Variants in INPP5B observed in about 807,000 individuals in gnomAD.
INPP5B encodes type II inositol 1,4,5-trisphosphate 5-phosphatase.
In INPP5B, 90 loss-of-function variants were observed where a neutral mutation model predicts 118.5. The ratio of observed to expected loss-of-function variants is 0.76; its 90% CI spans 0.64 to 0.90. The LOEUF is 0.90. Among genes scored for constraint, INPP5B ranks in the 40% least tolerant of loss-of-function variants. The probability of loss-of-function intolerance (pLI) is 0.00; values close to 1 mark genes in which losing one functional copy is unlikely to be tolerated. For synonymous variants in INPP5B, 385 were observed against 418.9 expected, an observed-to-expected ratio of 0.92 and a Z score of 0.99; for missense variants, 984 against 1,125.6, an observed-to-expected ratio of 0.87 and a Z score of 1.80.
At chr1:37,896,954 G>A (rs1176464736) in intron 7 of INPP5B, among the ~76,000 whole-genome samples, 2 of 118,978 alleles carry the variant, frequency 1.7e-5, no homozygotes, top group South Asian at 2.8e-4. Context: ...CACTCTGCCC[G>A]GCCAGCCGCC....
chr1:37,939,485 C>T (rs1468342353), intron 6 of INPP5B, among the ~76,000 whole-genome samples: 1 of 149,270 alleles, frequency 6.7e-6, no homozygotes, highest in African/African-American at 2.4e-5. Context: ...TTGCTCTGTC[C>T]CTAGGCTGGA....
intron 7 of INPP5B, among the ~76,000 whole-genome samples, chr1:37,905,720 T>C (rs571373193): frequency 1.3e-5 from 2 of 152,320 alleles, no homozygotes; most frequent in South Asian, 4.1e-4. Context: ...GACTGTGACA[T>C]TAGAATTGAG....
At chr1:37,891,288 CA>C in intron 8 of INPP5B, 69 bp downstream of exon 8, 4 of 1,116,750 alleles carry the variant, frequency 3.6e-6, no homozygotes, top group Non-Finnish European at 5.4e-6. Flanking sequence ...ACATTATACC[CA>C]AAATGGTCTC....
Position 37,880,130 on chromosome 1 carries a change from T to G in INPP5B, c.1496A>C (p.Gln499Pro). The G allele has an allele frequency of 6.2e-7, 1 of 1,612,406 alleles. No homozygotes were observed. Among genetic ancestry groups the G allele is most frequent in the Non-Finnish European group, 8.5e-7 (1 of 1,178,760 alleles). ...GCCCGTATCATACTTGTAAGTAGGC[T>G]GGAATGTGAGCTCACCCTCTGTGAA... The part of the protein sequence containing the change: ...EGFTEGELTF[Q>P]PTYKYDTGSD... The change falls in exon 15 of 24, where the codon CAG (glutamine) becomes CCG (proline). Residue 499 changes from glutamine (Q) to proline (P), a missense_variant. Around this residue, in one of 2 missense-constraint regions of INPP5B, gnomAD observed 634 missense variants for 791.0 expected, o/e 0.80. Coordinates refer to ENST00000373024, the MANE Select transcript of INPP5B (RefSeq NM_005540.3).
intron 7 of INPP5B, among the ~76,000 whole-genome samples, chr1:37,923,499 G>A (rs550533541): frequency 6.6e-6 from 1 of 152,246 alleles, no homozygotes; most frequent in Non-Finnish European, 1.5e-5. Context: ...AGTAGAATAC[G>A]ATCAAAGTTA....
chr1:37,929,682 G>A (rs929105183), intron 7 of INPP5B: 8 of 152,052 alleles, frequency 5.3e-5, no homozygotes, highest in Admixed American at 3.3e-4. Context: ...TTTAGCAGGA[G>A]CAACTTAGCA....
chr1:37,938,298 T>TC (rs1645780259), intron 6 of INPP5B, among the ~76,000 whole-genome samples: 1 of 151,370 alleles, frequency 6.6e-6, no homozygotes, highest in East Asian at 1.9e-4. Context: ...AATAAATAAA[T>TC]AAATAAAATT....
intron 3 of INPP5B, 122 bp from the exon 4 acceptor site, chr1:37,944,015 G>T: frequency 1.4e-6 from 1 of 712,838 alleles, no homozygotes; most frequent in Non-Finnish European, 2.5e-6. Context: ...TGGTGCCCTG[G>T]CTAGGCACAC....
intron 7 of INPP5B, among the ~76,000 whole-genome samples, chr1:37,908,269 C>T (rs35129114): frequency 0.23 from 34,860 of 152,090 alleles, 4,543 homozygotes; most frequent in East Asian, 0.3. Flanking sequence ...GCCCTCACTC[C>T]GTGACCTCAG....
At position 37,862,435 on chromosome 1, in the gene INPP5B, A is replaced by G. The variant is rs770997958; in HGVS notation, c.2627-5T>C. 1.3e-6 allele frequency: 2 copies of G among 1,568,978 alleles called. No individual in the cohort carries two copies. Among genetic ancestry groups the G allele is most frequent in the Non-Finnish European group, 8.8e-7 (1 of 1,139,076 alleles). On this transcript the variant is annotated splice_polypyrimidine_tract_variant and splice_region_variant and intron_variant, in intron 23 of 23. Transcript: ENST00000373024. ...ATAAGCTGCCAAATATGCTAGCTGC[A>G]AGAAAAAACACAGAAAAGAAATGAT... is the stretch of plus-strand genomic sequence containing the variant.
intron 7 of INPP5B, among the ~76,000 whole-genome samples, chr1:37,920,112 C>T (rs1174025192): frequency 6.6e-6 from 1 of 152,194 alleles, no homozygotes; most frequent in Non-Finnish European, 1.5e-5. Flanking sequence ...GGTTAAATAA[C>T]TTGCCCAAGA....
chr1:37,935,157 T>C (rs1167888247), intron 6 of INPP5B, among the ~76,000 whole-genome samples: 2 of 134,554 alleles, frequency 1.5e-5, no homozygotes, highest in African/African-American at 5.4e-5. Flanking sequence ...GCCGAGATCG[T>C]GCCACTGCAC....
Position 37,872,945 on chromosome 1 carries a change from T to C in INPP5B, c.2172A>G (p.Glu724=), listed in dbSNP as rs1642552595. Residue 724 remains glutamate, a synonymous_variant, in exon 19 of 24, where the codon GAA becomes GAG. Coordinates refer to ENST00000373024, the MANE Select transcript of INPP5B (RefSeq NM_005540.3). ...MREPILDLPL[E]TISELTLMPV... is the part of the protein sequence containing the mutation. Reference sequence around the variant, plus strand: ...TATTACTCACCAGCTCACTAATGGTTTCAAGTGGTAGGTCCAAGATTGGCT... The same window carrying C: ...TATTACTCACCAGCTCACTAATGGTCTCAAGTGGTAGGTCCAAGATTGGCT... The C allele has an allele frequency of 6.2e-7, 1 of 1,613,540 alleles. No homozygotes were observed. Among genetic ancestry groups the C allele is most frequent in the South Asian group, 1.1e-5 (1 of 91,078 alleles).
chr1:37,886,939 A>G lies in INPP5B; in HGVS notation c.1080T>C (p.Tyr360=), dbSNP rs766483857. Reference sequence around the variant, plus strand: ...CAGTCTCGGCTTCCACTTCTGAGATATAAGCTGCATGCTCCTGTTTGACAT... The same window carrying G: ...CAGTCTCGGCTTCCACTTCTGAGATGTAAGCTGCATGCTCCTGTTTGACAT... ...LLYVKQEHAA[Y]ISEVEAETVG... Residue 360 remains tyrosine, a synonymous_variant, in exon 12 of 24, where the codon TAT becomes TAC. Coordinates refer to ENST00000373024, the MANE Select transcript of INPP5B (RefSeq NM_005540.3). 6.2e-7 allele frequency: 1 copy of G among 1,614,220 alleles called. No individual in the cohort carries two copies. The highest frequency in any genetic ancestry group is 1.1e-5 in the South Asian group (1 of 91,080).
intron 3 of INPP5B, among the ~76,000 whole-genome samples, 170 bp downstream of exon 3, chr1:37,945,586 T>G (rs986765004): frequency 6.6e-6 from 1 of 152,238 alleles, no homozygotes; most frequent in African/African-American, 2.4e-5. Flanking sequence ...TATGAGTTAG[T>G]ACGTGTGCAG....
rs1467771847 is a variant in INPP5B, at chr1:37,866,448, C to G, written c.2386+11G>C. On this transcript the variant is annotated intron_variant, in intron 21 of 23. Transcript: ENST00000373024. The stretch of plus-strand genomic sequence containing the variant: ...CACACACACACACAGAGCTGAATGT[C>G]TGAAGGATACAGAGGTTATCAATCA... 9.5e-6 allele frequency: 12 copies of G among 1,264,882 alleles called. No individual in the cohort carries two copies. The highest frequency in any genetic ancestry group is 2.5e-5 in the East Asian group (1 of 39,688). 78.4% of individuals were successfully genotyped at this position (1,264,882 alleles called of 1,614,324 possible). A position where few individuals can be genotyped will look rare whatever the true frequency, so the allele number is the denominator to read the frequency against.
chr1:37,900,500 G>A (rs1390993125), intron 7 of INPP5B, among the ~76,000 whole-genome samples: 2 of 151,602 alleles, frequency 1.3e-5, no homozygotes, highest in African/African-American at 4.8e-5. Context: ...TGATCCGCCC[G>A]CCTCAGCCTC....
chr1:37,922,723 A>G (rs946236604), intron 7 of INPP5B, among the ~76,000 whole-genome samples: 1 of 152,194 alleles, frequency 6.6e-6, no homozygotes, highest in Non-Finnish European at 1.5e-5. Context: ...AAAATAAAAT[A>G]AAATGAACAC....
At chr1:37,931,483 C>A (rs1451765786) in intron 7 of INPP5B, 3 of 1,533,736 alleles carry the variant, frequency 2.0e-6, no homozygotes, top group Non-Finnish European at 2.6e-6. Flanking sequence ...CGCCTACCCT[C>A]GTCACGCACG....
Sources: allele counts gnomAD v4.1 joint callset (sites outside exome capture counted in the v4.1 genomes callset), GRCh38; gene constraint gnomAD v4.1.1; regional missense constraint gnomAD v4.1.1; transcripts MANE v1.5; gene names NCBI Gene and HGNC (gene_info 2026-07-23, HGNC 2026-07-21).